FOXP2: variants seen among roughly 807,000 people sequenced by gnomAD.
The protein encoded by FOXP2 is forkhead box protein P2.
A neutral mutation model predicts 115.8 loss-of-function variants in FOXP2; 12 were observed. The observed-to-expected ratio is 0.10, with a 90% CI of 0.07 to 0.17. The LOEUF (loss-of-function observed/expected upper bound fraction) is 0.17. Among genes scored for constraint, FOXP2 ranks in the 10% least tolerant of loss-of-function variants. The pLI is 1.00. For synonymous variants in FOXP2, 328 were observed against 297.7 expected, an observed-to-expected ratio of 1.10 and a Z score of -1.05; for missense variants, 629 against 843.5, an observed-to-expected ratio of 0.75 and a Z score of 3.15.
At chr7:114,515,024 A>G (rs935914685) in intron 2 of FOXP2, among the ~76,000 whole-genome samples, 4 of 151,594 alleles carry the variant, frequency 2.6e-5, no homozygotes, top group Non-Finnish European at 5.9e-5. Context: ...AATTTCATCC[A>G]TGTCCCTACA....
At chr7:114,586,630 A>C (rs1802148990) in intron 3 of FOXP2, among the ~76,000 whole-genome samples, 1 of 152,034 alleles carries the variant, frequency 6.6e-6, no homozygotes, top group Admixed American at 6.6e-5. Flanking sequence ...TTTTAAAATA[A>C]ATAAGGTGCT....
intron 16 of FOXP2, among the ~76,000 whole-genome samples, chr7:114,684,940 G>T (rs1808282337): frequency 6.6e-6 from 1 of 151,548 alleles, no homozygotes; most frequent in African/African-American, 2.4e-5. Context: ...CAAACTATTG[G>T]CTAGTTCAAT....
At position 114,351,995 on chromosome 7, in the gene FOXP2, C is replaced by T. The variant is rs191852425; in HGVS notation, c.-11+63886C>T. ...CAGAAAACTGAGTTAGAACCAGGTGCAGTGGCTCACATCTATAATCCCAGC... is the reference window on the plus strand; with the variant it reads ...CAGAAAACTGAGTTAGAACCAGGTGTAGTGGCTCACATCTATAATCCCAGC... On this transcript the variant is annotated intron_variant, in intron 2 of 17. Transcript: ENST00000634411. Among the ~76,000 whole-genome samples the T allele has an allele frequency of 3.3e-3, 505 of 152,114 alleles. 1 individual carries two copies. Among genetic ancestry groups the T allele is most frequent in the Admixed American group, 6.3e-3 (96 of 15,260 alleles).
chr7:114,292,859 T>G (rs1011562715), intron 2 of FOXP2, among the ~76,000 whole-genome samples: 1 of 152,242 alleles, frequency 6.6e-6, no homozygotes, highest in Non-Finnish European at 1.5e-5. Context: ...AAACACCTTC[T>G]TGATTTAGAA....
intron 2 of FOXP2, among the ~76,000 whole-genome samples, chr7:114,382,599 T>A (rs185657557): frequency 2.0e-4 from 30 of 152,154 alleles, no homozygotes; most frequent in Admixed American, 1.4e-3. Context: ...AGTGGCCTTT[T>A]TTTTTTATCC....
At chr7:114,200,330 T>C (rs1384551161) in intron 1 of FOXP2, among the ~76,000 whole-genome samples, 1 of 152,200 alleles carries the variant, frequency 6.6e-6, no homozygotes, top group African/African-American at 2.4e-5. Context: ...TGAGTCATGA[T>C]CCTGACATAG....
intron 3 of FOXP2, among the ~76,000 whole-genome samples, chr7:114,548,891 A>G (rs1344945526): frequency 2.6e-5 from 4 of 152,206 alleles, no homozygotes; most frequent in African/African-American, 4.8e-5. Flanking sequence ...GGAAAAAATC[A>G]TAGAAGATGA....
At chr7:114,174,865 A>G (rs760786427) in intron 1 of FOXP2, among the ~76,000 whole-genome samples, 9 of 152,232 alleles carry the variant, frequency 5.9e-5, no homozygotes, top group South Asian at 2.1e-4. Context: ...GCATAATACT[A>G]CATGTTCTCT....
At chr7:114,670,406 A>G (rs1585013141) in intron 16 of FOXP2, among the ~76,000 whole-genome samples, 1 of 152,026 alleles carries the variant, frequency 6.6e-6, no homozygotes, top group African/African-American at 2.4e-5. Context: ...TGCATGTCAA[A>G]TACCTATTCA....
chr7:114,593,300 A>G (rs556548386), intron 3 of FOXP2, among the ~76,000 whole-genome samples: 1 of 151,948 alleles, frequency 6.6e-6, no homozygotes, highest in African/African-American at 2.4e-5. Flanking sequence ...AAAAATTTCA[A>G]ACTTAGAGAG....
intron 16 of FOXP2, among the ~76,000 whole-genome samples, chr7:114,672,879 G>T (rs1807568381): frequency 6.6e-6 from 1 of 152,146 alleles, no homozygotes; most frequent in African/African-American, 2.4e-5. Flanking sequence ...GGGCAGTTTG[G>T]TAATAGGAAA....
chr7:114,651,285 C>A (rs1301749448), intron 8 of FOXP2, among the ~76,000 whole-genome samples: 2 of 152,018 alleles, frequency 1.3e-5, no homozygotes, highest in East Asian at 3.9e-4. Context: ...GAAATTGTTG[C>A]CTTACTTTGC....
chr7:114,656,000 G>T (rs763431219), intron 10 of FOXP2, among the ~76,000 whole-genome samples: 11 of 152,110 alleles, frequency 7.2e-5, no homozygotes, highest in Non-Finnish European at 1.2e-4. Context: ...GCTTTTACAT[G>T]CTTCCCTTTA....
chr7:114,679,823 CTT>C (rs1173841855), intron 16 of FOXP2, among the ~76,000 whole-genome samples: 1 of 152,174 alleles, frequency 6.6e-6, no homozygotes, highest in East Asian at 1.9e-4. Context: ...TTTATCTCCC[CTT>C]TTATAATACT....
rs776431762 is a variant in FOXP2, at chr7:114,418,707, C to CT, written c.-11+3355dup. Among the ~76,000 whole-genome samples, 21 of 151,456 alleles carry CT rather than the reference C, an allele frequency of 1.4e-4. No individual in the cohort carries two copies. The South Asian group carries it at 2.3e-3, about 17-fold the overall frequency. ...AAAAAGCTATACAGAAGGTCAATGGCTTTTTTTTATGAGAACCTGTCGATC... is the reference window on the plus strand; with the variant it reads ...AAAAAGCTATACAGAAGGTCAATGGCTTTTTTTTTATGAGAACCTGTCGATC... On this transcript the variant is annotated intron_variant, in intron 1 of 16. Transcript: ENST00000350908.
intron 1 of FOXP2, among the ~76,000 whole-genome samples, chr7:114,120,339 G>A (rs945838928): frequency 1.1e-4 from 16 of 152,260 alleles, no homozygotes; most frequent in Admixed American, 6.5e-4. Flanking sequence ...TTTGTATGGC[G>A]TTATGGCAAA....
At chr7:114,615,079 C>T (rs1004745274) in intron 3 of FOXP2, among the ~76,000 whole-genome samples, 10 of 151,948 alleles carry the variant, frequency 6.6e-5, no homozygotes, top group East Asian at 1.9e-4. Flanking sequence ...ATTAGCCAGG[C>T]GTGGTGGTGG....
chr7:114,379,027 G>A (rs1792214159), intron 2 of FOXP2, among the ~76,000 whole-genome samples: 1 of 151,990 alleles, frequency 6.6e-6, no homozygotes, highest in Non-Finnish European at 1.5e-5. Context: ...GAGGTAAAAT[G>A]ACTCTCTTCT....
intron 1 of FOXP2, among the ~76,000 whole-genome samples, chr7:114,111,211 C>A (rs540012852): frequency 3.9e-4 from 59 of 152,178 alleles, no homozygotes; most frequent in African/African-American, 1.4e-3. Flanking sequence ...TTGGCCGGTG[C>A]GACATCAGTG....
Sources: gnomAD v4.1 joint callset for allele counts (sites outside exome capture counted in the v4.1 genomes callset) on GRCh38, gnomAD v4.1.1 for gene constraint, MANE v1.5 for transcripts, NCBI Gene and HGNC (gene_info 2026-07-23, HGNC 2026-07-21) for gene names.